Variants in DOK6 observed in about 807,000 individuals in gnomAD.
DOK6 encodes the protein downstream of tyrosine kinase 6.
A neutral mutation model predicts 44.0 loss-of-function variants in DOK6; 22 were observed. The ratio of observed to expected loss-of-function variants is 0.50; its 90% confidence interval spans 0.36 to 0.71. The LOEUF (loss-of-function observed/expected upper bound fraction) is 0.71. Ranked by LOEUF, DOK6 falls within the 30% of genes least tolerant of loss-of-function variation. The pLI is 0.00. For missense variants in DOK6, 340 were observed against 416.4 expected (o/e 0.82, Z 1.60); for synonymous variants, 166 against 145.5 (o/e 1.14, Z -1.01).
intron 1 of DOK6, among the ~76,000 whole-genome samples, chr18:69,432,748 A>G (rs7241545): frequency 0.28 from 42,032 of 151,936 alleles, 6,257 homozygotes; most frequent in East Asian, 0.43. Context: ...CTCCCCTTCA[A>G]AAAAAAGAAA....
intron 7 of DOK6, among the ~76,000 whole-genome samples, chr18:69,759,334 C>T (rs1417323367): frequency 6.6e-6 from 1 of 151,976 alleles, no homozygotes; most frequent in South Asian, 2.1e-4. Flanking sequence ...TGAAAGTATG[C>T]TTGTAATATA....
intron 3 of DOK6, among the ~76,000 whole-genome samples, chr18:69,633,327 C>T (rs1033359604): frequency 3.3e-5 from 5 of 152,100 alleles, no homozygotes; most frequent in African/African-American, 4.8e-5. Flanking sequence ...AAGAAATTGT[C>T]GAAGCTCATA....
chr18:69,569,407 T>G (rs1238496500), intron 2 of DOK6, among the ~76,000 whole-genome samples: 4 of 152,234 alleles, frequency 2.6e-5, no homozygotes, highest in Non-Finnish European at 5.9e-5. Flanking sequence ...GCAAGGTAAT[T>G]GCTGGCTGAA....
intron 2 of DOK6, among the ~76,000 whole-genome samples, chr18:69,575,064 C>T (rs1036709113): frequency 1.3e-5 from 2 of 152,016 alleles, no homozygotes; most frequent in African/African-American, 4.8e-5. Flanking sequence ...TACTGCACAG[C>T]ATATTCATGT....
chr18:69,684,776 T>C lies in DOK6; in HGVS notation c.409+6923T>C, dbSNP rs116112630. ...AAGGCATAGGACAAGTAGCAGACAA[T>C]GTTATTGGAAGCCAGAGAGATTTAA... is the stretch of plus-strand genomic sequence containing the variant. On this transcript the variant is annotated intron_variant, in intron 4 of 7. Coordinates refer to ENST00000382713, the MANE Select transcript of DOK6 (RefSeq NM_152721.6). 5.1e-3 allele frequency among the ~76,000 whole-genome samples: 769 copies of C among 152,214 alleles called. 4 individuals carry two copies. Among genetic ancestry groups the C allele is most frequent in the African/African-American group, 0.018 (752 of 41,504 alleles).
chr18:69,811,584 A>T, intron 7 of DOK6, among the ~76,000 whole-genome samples: 1 of 131,262 alleles, frequency 7.6e-6, no homozygotes, highest in East Asian at 2.2e-4. Context: ...ATATCAAAAC[A>T]CTACGTTGTA....
rs1210776733 is a variant in DOK6, at chr18:69,844,079, A to C, written c.*2696A>C. 2 of 152,204 alleles carry C rather than the reference A, an allele frequency of 1.3e-5. No individual in the cohort carries two copies. The allele number at this position is 152,204 out of a possible 1,614,324, so 9.4% of individuals were successfully genotyped here. A position where few individuals can be genotyped will look rare whatever the true frequency, so the allele number is the denominator to read the frequency against. ...TTCATAAAATCAATTTCACTGGAGC[A>C]ACCAGAAGGGTCATGGAGATGTATA... On this transcript the variant is annotated 3_prime_UTR_variant, in exon 8 of 8. Coordinates refer to ENST00000382713, the MANE Select transcript of DOK6 (RefSeq NM_152721.6).
At chr18:69,651,781 C>G (rs1350206254) in intron 3 of DOK6, among the ~76,000 whole-genome samples, 1 of 151,958 alleles carries the variant, frequency 6.6e-6, no homozygotes, top group Non-Finnish European at 1.5e-5. Flanking sequence ...GCTACCGCGC[C>G]CAGCCCCATC....
intron 1 of DOK6, among the ~76,000 whole-genome samples, chr18:69,530,463 A>T (rs1981954096): frequency 6.6e-6 from 1 of 152,180 alleles, no homozygotes; most frequent in African/African-American, 2.4e-5. Context: ...CCTGGATAGC[A>T]GATATGCTTT....
intron 6 of DOK6, among the ~76,000 whole-genome samples, chr18:69,751,737 G>T (rs897899892): frequency 3.3e-5 from 5 of 152,106 alleles, no homozygotes; most frequent in African/African-American, 4.8e-5. Flanking sequence ...GGGTGCAGTG[G>T]CTCACACCTC....
At chr18:69,682,926 G>A (rs1262149607) in intron 4 of DOK6, among the ~76,000 whole-genome samples, 1 of 152,150 alleles carries the variant, frequency 6.6e-6, no homozygotes, top group East Asian at 1.9e-4. Flanking sequence ...GTCCATCAAT[G>A]ATTAAAGCCA....
At chr18:69,684,881 A>G (rs1359904105) in intron 4 of DOK6, among the ~76,000 whole-genome samples, 1 of 152,136 alleles carries the variant, frequency 6.6e-6, no homozygotes, top group Admixed American at 6.6e-5. Flanking sequence ...TACAGGCTGG[A>G]CCCCAGATAT....
intron 3 of DOK6, among the ~76,000 whole-genome samples, chr18:69,626,173 T>C (rs1259052909): frequency 6.6e-6 from 1 of 152,198 alleles, no homozygotes; most frequent in Admixed American, 6.5e-5. Flanking sequence ...AATTATAGTC[T>C]CACTGCTAAA....
At chr18:69,733,066 C>T (rs1240360769) in intron 5 of DOK6, among the ~76,000 whole-genome samples, 1 of 151,966 alleles carries the variant, frequency 6.6e-6, no homozygotes, top group Non-Finnish European at 1.5e-5. Flanking sequence ...TGGCAGTGTA[C>T]GCCTGTACAA....
At chr18:69,662,191 G>T (rs1301211505) in intron 3 of DOK6, 1 of 152,228 alleles carries the variant, frequency 6.6e-6, no homozygotes, top group Non-Finnish European at 1.5e-5. Context: ...TGTTAGCCAG[G>T]CTGGTCTCAA....
At chr18:69,824,219 C>A (rs1298239195) in intron 7 of DOK6, among the ~76,000 whole-genome samples, 2 of 144,160 alleles carry the variant, frequency 1.4e-5, no homozygotes, top group Admixed American at 6.9e-5. Context: ...CAACAGGCCC[C>A]GGTGTGTGAT....
In DOK6 at chr18:69,658,126, G is replaced by A. The variant is rs541139327; in HGVS notation, c.290-19608G>A. On this transcript the variant is annotated intron_variant, in intron 3 of 7. Transcript: ENST00000382713. The stretch of plus-strand genomic sequence containing the variant: ...CCACGCCCAGCTGATTTTTTAATTC[G>A]TCATTTGTTGAGATGGGGTTTTGCT... Among the ~76,000 whole-genome samples, 30 of 151,682 alleles carry A rather than the reference G, an allele frequency of 2.0e-4. No individual in the cohort carries two copies. The South Asian group carries it at 6.0e-3, about 30-fold the overall frequency.
intron 1 of DOK6, among the ~76,000 whole-genome samples, chr18:69,533,686 A>G (rs1323153389): frequency 6.6e-6 from 1 of 152,128 alleles, no homozygotes; most frequent in Non-Finnish European, 1.5e-5. Flanking sequence ...AAATGTTGTA[A>G]GTTTAGAGTT....
chr18:69,461,665 AC>A (rs1979791950), intron 1 of DOK6, among the ~76,000 whole-genome samples: 1 of 151,976 alleles, frequency 6.6e-6, no homozygotes, highest in Non-Finnish European at 1.5e-5. Flanking sequence ...TCTTTTCAAA[AC>A]CCTCTTTAAA....
Sources: gnomAD v4.1 joint callset for allele counts (sites outside exome capture counted in the v4.1 genomes callset) on GRCh38, gnomAD v4.1.1 for gene constraint, MANE v1.5 for transcripts, NCBI Gene and HGNC (gene_info 2026-07-23, HGNC 2026-07-21) for gene names.